The following TTC27 variants were observed in gnomAD, a reference collection of about 807,000 sequenced individuals.
TTC27 encodes the protein tetratricopeptide repeat domain 27, also known as tetratricopeptide repeat protein 27.
Under a neutral mutation model 115.9 loss-of-function variants are expected in TTC27, and 79 were observed. The ratio of observed to expected loss-of-function variants is 0.68; its 90% CI spans 0.57 to 0.82. The LOEUF (loss-of-function observed/expected upper bound fraction) is 0.82. Ranked by LOEUF, TTC27 falls within the 40% of genes least tolerant of loss-of-function variation. TTC27 has a pLI of 0.00. For missense variants in TTC27, 1,054 were observed against 993.1 expected (o/e 1.06, Z -0.82); for synonymous variants, 401 against 356.0 (o/e 1.13, Z -1.42).
At chr2:32,645,974 C>T (rs1664841212) in intron 4 of TTC27, among the ~76,000 whole-genome samples, 1 of 151,862 alleles carries the variant, frequency 6.6e-6, no homozygotes, top group African/African-American at 2.4e-5. Flanking sequence ...TTGCCTCAGC[C>T]TCCCAAAGTG....
At chr2:32,789,584 G>A (rs1208220667) in intron 16 of TTC27, among the ~76,000 whole-genome samples, 1 of 152,062 alleles carries the variant, frequency 6.6e-6, no homozygotes, top group Non-Finnish European at 1.5e-5. Context: ...CCTGTTGGAT[G>A]CCAAATCAAA....
chr2:32,676,613 C>G (rs1213037041), intron 8 of TTC27, among the ~76,000 whole-genome samples: 1 of 150,732 alleles, frequency 6.6e-6, no homozygotes, highest in Non-Finnish European at 1.5e-5. Context: ...GCCTCAGTCT[C>G]CTGAGTAGCT....
Position 32,702,926 on chromosome 2 carries a change from A to G in TTC27, c.1233+6A>G. 1 of 1,604,672 alleles carries G rather than the reference A, an allele frequency of 6.2e-7. No individual in the cohort carries two copies. ...GGGCAATGAGGCAGACACAGGTAAG[A>G]ATTAATGTGGCAATTTGTGTGCTTC... On this transcript the variant is annotated splice_donor_region_variant and intron_variant, in intron 10 of 19. Coordinates refer to ENST00000317907, the MANE Select transcript of TTC27 (RefSeq NM_017735.5).
chr2:32,765,277 T>C (rs1175145892), intron 13 of TTC27, among the ~76,000 whole-genome samples: 5 of 152,186 alleles, frequency 3.3e-5, no homozygotes, highest in Admixed American at 3.3e-4. Flanking sequence ...CATGAAAACA[T>C]TAATCTCCTT....
chr2:32,734,827 C>T (rs924416721), intron 11 of TTC27, among the ~76,000 whole-genome samples: 4 of 152,162 alleles, frequency 2.6e-5, no homozygotes, highest in Non-Finnish European at 5.9e-5. Flanking sequence ...CAGCTAATAA[C>T]AACCAACTTT....
intron 13 of TTC27, among the ~76,000 whole-genome samples, chr2:32,777,542 C>T (rs1433761134): frequency 6.6e-6 from 1 of 152,092 alleles, no homozygotes; most frequent in Non-Finnish European, 1.5e-5. Context: ...GAGATGCAAC[C>T]ATCCAGTTTT....
chr2:32,736,675 T>A lies in TTC27; in HGVS notation c.1330-19T>A. 6.2e-7 allele frequency: 1 copy of A among 1,613,578 alleles called. No homozygotes were observed. The highest frequency in any genetic ancestry group is 8.5e-7 in the Non-Finnish European group (1 of 1,179,716). On this transcript the variant is annotated intron_variant, in intron 11 of 19. Coordinates refer to ENST00000317907, the MANE Select transcript of TTC27 (RefSeq NM_017735.5). ...TTTTACACCAAGAAGTATTAATTAT[T>A]TTTACTTGATTTTTCTAGCGCCAAC...
intron 13 of TTC27, among the ~76,000 whole-genome samples, chr2:32,763,329 C>T (rs1402831692): frequency 6.6e-6 from 1 of 152,120 alleles, no homozygotes; most frequent in Non-Finnish European, 1.5e-5. Context: ...ATGTTGTCTC[C>T]TTTAAGACCT....
At chr2:32,731,054 T>C (rs1668275852) in intron 10 of TTC27, among the ~76,000 whole-genome samples, 1 of 152,096 alleles carries the variant, frequency 6.6e-6, no homozygotes. Context: ...TAGAGTTCCG[T>C]TGCGTGTGTA....
In TTC27 at chr2:32,811,014, C is replaced by T; in HGVS notation, c.1999-10C>T. ...TTCTAACTTACCAGTTTGTTCTGTG[C>T]ATTTTTAAGGTCCTTAAAATTCTAG... On this transcript the variant is annotated splice_polypyrimidine_tract_variant and intron_variant, in intron 16 of 19. Coordinates refer to ENST00000317907, the MANE Select transcript of TTC27 (RefSeq NM_017735.5). 3 of 1,613,806 alleles carry T rather than the reference C, an allele frequency of 1.9e-6. No homozygotes were observed. The highest frequency in any genetic ancestry group is 2.5e-6 in the Non-Finnish European group (3 of 1,179,756).
intron 7 of TTC27, among the ~76,000 whole-genome samples, chr2:32,668,661 A>G (rs1486808175): frequency 2.0e-5 from 3 of 150,390 alleles, no homozygotes; most frequent in Non-Finnish European, 4.4e-5. Context: ...GGCTCAAGCA[A>G]TCTTCTTGCC....
chr2:32,669,366 A>T (rs1232704752), intron 7 of TTC27, among the ~76,000 whole-genome samples: 1 of 152,336 alleles, frequency 6.6e-6, no homozygotes, highest in East Asian at 1.9e-4. Context: ...CTACTTGAAG[A>T]TGGAGAGTAC....
chr2:32,643,770 C>G (rs1664742564), intron 4 of TTC27, among the ~76,000 whole-genome samples: 1 of 152,116 alleles, frequency 6.6e-6, no homozygotes, highest in Non-Finnish European at 1.5e-5. Context: ...CGCAGTGGCT[C>G]TCGCCTGTAA....
chr2:32,716,518 CT>C (rs1348177123), intron 10 of TTC27, among the ~76,000 whole-genome samples: 1 of 152,166 alleles, frequency 6.6e-6, no homozygotes, highest in East Asian at 1.9e-4. Context: ...TTTAATACTT[CT>C]GTCTCTTGAT....
At chr2:32,782,837 A>C (rs1572609469) in intron 15 of TTC27, among the ~76,000 whole-genome samples, 159 bp downstream of exon 15, 2 of 152,316 alleles carry the variant, frequency 1.3e-5, no homozygotes, top group East Asian at 3.9e-4. Context: ...TTCAAACTAA[A>C]TTAACTTGAA....
intron 10 of TTC27, among the ~76,000 whole-genome samples, chr2:32,725,432 A>G (rs537350232): frequency 3.3e-5 from 5 of 152,238 alleles, no homozygotes; most frequent in South Asian, 2.1e-4. Context: ...CAAAGAGGCT[A>G]TGGGCCCCAT....
intron 10 of TTC27, among the ~76,000 whole-genome samples, chr2:32,722,865 C>T (rs116317934): frequency 0.017 from 2,650 of 152,134 alleles, 39 homozygotes; most frequent in Middle Eastern, 0.024. Flanking sequence ...AAAGAACATG[C>T]AAATGGATGA....
rs114778240 is a variant in TTC27 at position 32,670,601 on chromosome 2, G to C, written c.940-1671G>C. Reference sequence around the variant, plus strand: ...TATGTATGTAAGTCTTTGTGTGAACGTAAGTTTTTTTTTTTCTCTTCTTTT... The same window carrying C: ...TATGTATGTAAGTCTTTGTGTGAACCTAAGTTTTTTTTTTTCTCTTCTTTT... On this transcript the variant is annotated intron_variant, in intron 7 of 19. Coordinates refer to ENST00000317907, the MANE Select transcript of TTC27 (RefSeq NM_017735.5). 4.6e-3 allele frequency among the ~76,000 whole-genome samples: 689 copies of C among 151,086 alleles called. 5 individuals are homozygous for C. Among genetic ancestry groups the C allele is most frequent in the Admixed American group, 7.0e-3 (106 of 15,162 alleles).
At chr2:32,672,142 A>G in intron 7 of TTC27, 130 bp from the exon 8 acceptor site, 1 of 605,322 alleles carries the variant, frequency 1.7e-6, no homozygotes, top group Non-Finnish European at 2.9e-6. Flanking sequence ...GTTTCACAAG[A>G]AATAGCCTAT....
Sources: allele counts gnomAD v4.1 joint callset (sites outside exome capture counted in the v4.1 genomes callset), GRCh38; gene constraint gnomAD v4.1.1; transcripts MANE v1.5; gene names NCBI Gene and HGNC (gene_info 2026-07-23, HGNC 2026-07-21).